ZDHHC2: variants seen among roughly 807,000 people sequenced by gnomAD.
ZDHHC2 encodes palmitoyltransferase ZDHHC2.
A neutral mutation model predicts 55.6 loss-of-function variants in ZDHHC2; 51 were observed. The ratio of observed to expected loss-of-function variants is 0.92; its 90% CI spans 0.73 to 1.16. ZDHHC2 has a LOEUF of 1.16. Ranked by LOEUF, ZDHHC2 falls within the 50% of genes most tolerant of loss-of-function variation. The pLI is 0.00. For missense variants in ZDHHC2, 491 were observed against 442.4 expected (o/e 1.11, Z -0.99); for synonymous variants, 199 against 152.9 (o/e 1.30, Z -2.22).
chr8:17,186,282 T>A, intron 2 of ZDHHC2, 49 bp from the exon 3 acceptor site: 5 of 1,222,600 alleles, frequency 4.1e-6, no homozygotes, highest in Non-Finnish European at 5.8e-6. Flanking sequence ...GTCATAATTT[T>A]AGTATGTATT....
chr8:17,199,554 T>TCTTCGA, intron 6 of ZDHHC2, among the ~76,000 whole-genome samples: 1 of 136,660 alleles, frequency 7.3e-6, no homozygotes, highest in African/African-American at 2.5e-5. Context: ...TCTGTCTTCG[T>TCTTCGA]CTTCGTCTTC....
At chr8:17,182,856 G>T (rs889167201) in intron 1 of ZDHHC2, among the ~76,000 whole-genome samples, 5 of 152,136 alleles carry the variant, frequency 3.3e-5, no homozygotes, top group Non-Finnish European at 7.4e-5. Context: ...CTGCCTCCCG[G>T]GTTCAAGCGA....
At chr8:17,187,407 A>G (rs1470570477) in intron 3 of ZDHHC2, among the ~76,000 whole-genome samples, 1 of 152,140 alleles carries the variant, frequency 6.6e-6, no homozygotes, top group Non-Finnish European at 1.5e-5. Flanking sequence ...TTAGTAAGCC[A>G]AGTTTAAAAA....
chr8:17,205,844 A>G, intron 7 of ZDHHC2, 69 bp downstream of exon 7: 1 of 1,436,226 alleles, frequency 7.0e-7, no homozygotes, highest in Non-Finnish European at 9.3e-7. Context: ...TTCAGAACAG[A>G]ATTATTTCCG....
intron 6 of ZDHHC2, among the ~76,000 whole-genome samples, chr8:17,199,041 C>T (rs1806472593): frequency 6.6e-6 from 1 of 152,186 alleles, no homozygotes; most frequent in African/African-American, 2.4e-5. Flanking sequence ...CTCTGACAGT[C>T]ATGCCCAGGT....
In ZDHHC2 at chr8:17,222,965, A is replaced by T. The variant is rs541212431; in HGVS notation, c.*2744A>T. ...AGACTATAAAACTCAACTACACTGT[A>T]ATCAATAGACAACTATTGGAAATAT... On this transcript the variant is annotated 3_prime_UTR_variant, in exon 13 of 13. Transcript: ENST00000262096. The T allele has an allele frequency of 6.6e-6, 1 of 152,036 alleles. No homozygotes were observed. Among genetic ancestry groups the T allele is most frequent in the Non-Finnish European group, 1.5e-5 (1 of 67,798 alleles). The allele number at this position is 152,036 out of a possible 1,614,324, so 9.4% of individuals were successfully genotyped here. A position where few individuals can be genotyped will look rare whatever the true frequency, so the allele number is the denominator to read the frequency against.
chr8:17,220,578 C>G lies in ZDHHC2; in HGVS notation c.*357C>G, dbSNP rs2150954515. On this transcript the variant is annotated 3_prime_UTR_variant, in exon 13 of 13. Transcript: ENST00000262096. ...ATCACATAGAAACTCCATTAATCAT[C>G]TGATTTTCCGAATCTGAAAATTGAG... 1 of 152,312 alleles carries G rather than the reference C, an allele frequency of 6.6e-6. No individual in the cohort carries two copies. Among genetic ancestry groups the G allele is most frequent in the South Asian group, 2.1e-4 (1 of 4,832 alleles). 9.4% of individuals were successfully genotyped at this position (152,312 alleles called of 1,614,324 possible).
In ZDHHC2 at chr8:17,199,491, TTCTTC is replaced by T. The variant is rs1806526036; in HGVS notation, c.476+1080_476+1084del. Among the ~76,000 whole-genome samples the T allele has an allele frequency of 5.4e-5, 2 of 37,302 alleles. 1 individual carries two copies. Among genetic ancestry groups the T allele is most frequent in the African/African-American group, 1.6e-4 (2 of 12,366 alleles). 24.5% of individuals were successfully genotyped at this position (37,302 alleles called of 152,430 possible). A position where few individuals can be genotyped will look rare whatever the true frequency, so the allele number is the denominator to read the frequency against. ...CTTCTTCTTCTTCTTCTTCTTCTTC[TTCTTC>T]TTCTTCTTCTTCTTCTTCGTCTTCG... On this transcript the variant is annotated intron_variant, in intron 6 of 12. Coordinates refer to ENST00000262096, the MANE Select transcript of ZDHHC2 (RefSeq NM_016353.5).
At chr8:17,178,468 C>G (rs888992611) in intron 1 of ZDHHC2, among the ~76,000 whole-genome samples, 1 of 152,172 alleles carries the variant, frequency 6.6e-6, no homozygotes, top group Non-Finnish European at 1.5e-5. Context: ...GGCTGGAATA[C>G]TTTCTTCATA....
intron 1 of ZDHHC2, 93 bp downstream of exon 1, chr8:17,156,946 G>A (rs1360270075): frequency 3.2e-6 from 4 of 1,238,236 alleles, no homozygotes; most frequent in Non-Finnish European, 4.2e-6. Flanking sequence ...CTCGCCCCCC[G>A]GATGCGCCCC....
chr8:17,204,269 A>T (rs887687281), intron 6 of ZDHHC2, among the ~76,000 whole-genome samples: 1 of 152,230 alleles, frequency 6.6e-6, no homozygotes, highest in South Asian at 2.1e-4. Context: ...TAGAAAGAAA[A>T]GTGTTTCATC....
intron 1 of ZDHHC2, among the ~76,000 whole-genome samples, chr8:17,159,082 C>G (rs1423785984): frequency 1.3e-5 from 2 of 152,126 alleles, no homozygotes; most frequent in African/African-American, 2.4e-5. Flanking sequence ...TAGCCTTGGT[C>G]GAGTGGGAAG....
intron 1 of ZDHHC2, among the ~76,000 whole-genome samples, chr8:17,166,837 T>C (rs890712455): frequency 3.3e-5 from 5 of 152,130 alleles, no homozygotes; most frequent in South Asian, 2.1e-4. Context: ...AATGTGCACA[T>C]TGAACCCTTG....
At chr8:17,180,824 T>C (rs1000240191) in intron 1 of ZDHHC2, among the ~76,000 whole-genome samples, 7 of 152,190 alleles carry the variant, frequency 4.6e-5, no homozygotes, top group African/African-American at 1.4e-4. Flanking sequence ...TCTTTTCCAT[T>C]TTGACAAATT....
At chr8:17,215,462 A>G in intron 11 of ZDHHC2, 113 bp downstream of exon 11, 1 of 810,724 alleles carries the variant, frequency 1.2e-6, no homozygotes, top group South Asian at 1.6e-5. Context: ...TTGGAGTCAG[A>G]CTTCTATTCT....
At chr8:17,186,263 G>A in intron 2 of ZDHHC2, 68 bp from the exon 3 acceptor site, 1 of 1,036,910 alleles carries the variant, frequency 9.6e-7, no homozygotes, top group Non-Finnish European at 1.4e-6. Context: ...AAGCAGATCG[G>A]TTGTGACTGT....
rs959522465 is a variant in ZDHHC2 at position 17,222,990 on chromosome 8, T to C, written c.*2769T>C. The C allele has an allele frequency of 2.0e-5, 3 of 152,022 alleles. No homozygotes were observed. The highest frequency in any genetic ancestry group is 4.8e-5 in the African/African-American group (2 of 41,548). 9.4% of individuals were successfully genotyped at this position (152,022 alleles called of 1,614,324 possible). A position where few individuals can be genotyped will look rare whatever the true frequency, so the allele number is the denominator to read the frequency against. ...AATCAATAGACAACTATTGGAAATA[T>C]GGCATATGTTGACAAACACTTAACT... On this transcript the variant is annotated 3_prime_UTR_variant, in exon 13 of 13. Coordinates refer to ENST00000262096, the MANE Select transcript of ZDHHC2 (RefSeq NM_016353.5).
At chr8:17,195,109 T>C (rs1048629395) in intron 3 of ZDHHC2, among the ~76,000 whole-genome samples, 1 of 152,236 alleles carries the variant, frequency 6.6e-6, no homozygotes, top group African/African-American at 2.4e-5. Flanking sequence ...TTAATGGATT[T>C]TCTACATTTG....
intron 1 of ZDHHC2, among the ~76,000 whole-genome samples, chr8:17,158,535 A>G (rs1043661435): frequency 1.3e-5 from 2 of 152,234 alleles, no homozygotes; most frequent in Non-Finnish European, 2.9e-5. Flanking sequence ...CTGAGGTGCT[A>G]TATGGCAGAT....
Sources: gnomAD v4.1 joint callset for allele counts (sites outside exome capture counted in the v4.1 genomes callset) on GRCh38, gnomAD v4.1.1 for gene constraint, MANE v1.5 for transcripts, NCBI Gene and HGNC (gene_info 2026-07-23, HGNC 2026-07-21) for gene names.